The following ATP6V1D variants were observed in gnomAD, a reference collection of about 807,000 sequenced individuals.
ATP6V1D encodes the protein V-type proton ATPase subunit D.
ATP6V1D carries 20 observed loss-of-function variants against 39.4 expected under a neutral mutation model. That is an observed-to-expected ratio of 0.51 (90% CI 0.36 to 0.74). ATP6V1D has a LOEUF of 0.74. ATP6V1D is among the 30% of genes least tolerant of loss of function. The pLI is 0.00. For missense variants in ATP6V1D, 228 were observed against 291.6 expected (o/e 0.78, Z 1.59); for synonymous variants, 100 against 100.5 (o/e 0.99, Z 0.03).
intron 4 of ATP6V1D, among the ~76,000 whole-genome samples, chr14:67,348,313 G>A (rs1484640731): frequency 6.6e-6 from 1 of 151,862 alleles, no homozygotes; most frequent in Non-Finnish European, 1.5e-5. Context: ...CAGGCGATCC[G>A]CCCACCTTGG....
intron 7 of ATP6V1D, among the ~76,000 whole-genome samples, chr14:67,341,229 G>A (rs1171581773): frequency 2.0e-5 from 3 of 151,982 alleles, no homozygotes; most frequent in South Asian, 2.1e-4. Context: ...AGGAAGTGAG[G>A]AGCGTCTCTG....
chr14:67,342,944 C>G (rs191698957), intron 7 of ATP6V1D, among the ~76,000 whole-genome samples: 1 of 152,102 alleles, frequency 6.6e-6, no homozygotes, highest in East Asian at 1.9e-4. Flanking sequence ...ATAAGTGCAT[C>G]AAATGGGAAA....
chr14:67,347,225 C>T (rs1315395266), intron 5 of ATP6V1D, among the ~76,000 whole-genome samples, 184 bp downstream of exon 5: 4 of 152,160 alleles, frequency 2.6e-5, no homozygotes, highest in Non-Finnish European at 4.4e-5. Flanking sequence ...AGGCATGAGC[C>T]ATTGTGCCCG....
chr14:67,339,197 C>G (rs1460341421), intron 8 of ATP6V1D, among the ~76,000 whole-genome samples: 1 of 152,094 alleles, frequency 6.6e-6, no homozygotes, highest in Non-Finnish European at 1.5e-5. Context: ...GAGGGTTTCA[C>G]CATCTTGGCC....
rs2085717859 is a variant in ATP6V1D at position 67,359,800 on chromosome 14, G to A, written c.-102C>T. 7.2e-7 allele frequency: 1 copy of A among 1,379,690 alleles called. No individual in the cohort carries two copies. The highest frequency in any genetic ancestry group is 1.4e-5 in the African/African-American group (1 of 70,226). 85.5% of individuals were successfully genotyped at this position (1,379,690 alleles called of 1,614,324 possible). On this transcript the variant is annotated 5_prime_UTR_variant, in exon 1 of 9. Transcript: ENST00000216442. ...TGTCTTCCTCTACGGGAGTCAGCTG[G>A]TTGTGTCACTTGACCCCTCTTGTTG... is the stretch of plus-strand genomic sequence containing the variant.
chr14:67,340,474 C>G lies in ATP6V1D; in HGVS notation c.568G>C (p.Glu190Gln). The G allele has an allele frequency of 6.2e-7, 1 of 1,613,726 alleles. No individual in the cohort carries two copies. The highest frequency in any genetic ancestry group is 8.5e-7 in the Non-Finnish European group (1 of 1,179,874). ...IERTLAYIIT[E>Q]LDEREREEFY... The stretch of plus-strand genomic sequence containing the variant: ...TCTTCTCGCTCTCTCTCATCCAGCT[C>G]TGTGATGATATAAGCAAGAGTACGT... Residue 190 changes from glutamate (E) to glutamine (Q), a missense_variant, in exon 8 of 9, where the codon GAG becomes CAG. Transcript: ENST00000216442.
chr14:67,340,773 G>A (rs1326495654), intron 7 of ATP6V1D, among the ~76,000 whole-genome samples: 1 of 152,008 alleles, frequency 6.6e-6, no homozygotes, highest in South Asian at 2.1e-4. Context: ...CAACCTCCCT[G>A]CCTGATTCTC....
intron 7 of ATP6V1D, among the ~76,000 whole-genome samples, chr14:67,340,886 G>A (rs541209140): frequency 3.3e-5 from 5 of 152,336 alleles, no homozygotes; most frequent in Non-Finnish European, 7.3e-5. Flanking sequence ...GTGTTGGCCA[G>A]GCTGGTCTCC....
chr14:67,354,855 C>T (rs1011171284), intron 1 of ATP6V1D, among the ~76,000 whole-genome samples: 1 of 152,124 alleles, frequency 6.6e-6, no homozygotes, highest in African/African-American at 2.4e-5. Flanking sequence ...CTCTTGTTGC[C>T]CAGGCTAGAG....
intron 6 of ATP6V1D, among the ~76,000 whole-genome samples, chr14:67,345,476 A>AC (rs1383902154): frequency 6.8e-6 from 1 of 147,446 alleles, no homozygotes. Flanking sequence ...AATCACTTGA[A>AC]CCCAGGAGGC....
At chr14:67,342,865 A>C (rs947573030) in intron 7 of ATP6V1D, among the ~76,000 whole-genome samples, 1 of 152,106 alleles carries the variant, frequency 6.6e-6, no homozygotes, top group Non-Finnish European at 1.5e-5. Flanking sequence ...AACTAAGTTT[A>C]TTGAGCAAAA....
intron 7 of ATP6V1D, among the ~76,000 whole-genome samples, chr14:67,341,656 GC>G (rs1442216416): frequency 6.6e-6 from 1 of 152,178 alleles, no homozygotes; most frequent in Non-Finnish European, 1.5e-5. Context: ...GAGCCCCTCT[GC>G]CCGGCCACCA....
chr14:67,344,133 T>A (rs1170995616), intron 6 of ATP6V1D, among the ~76,000 whole-genome samples: 1 of 152,260 alleles, frequency 6.6e-6, no homozygotes, highest in Non-Finnish European at 1.5e-5. Flanking sequence ...ATGATTTACT[T>A]GCATGTAGAA....
intron 5 of ATP6V1D, among the ~76,000 whole-genome samples, chr14:67,346,812 A>T (rs2085622314): frequency 6.6e-6 from 1 of 152,214 alleles, no homozygotes; most frequent in Non-Finnish European, 1.5e-5. Flanking sequence ...GGGAATTATA[A>T]GCAGTGCATT....
intron 2 of ATP6V1D, 38 bp downstream of exon 2, chr14:67,352,885 T>C (rs8020850): frequency 0.11 from 155,991 of 1,421,266 alleles, 17,278 homozygotes; most frequent in East Asian, 0.47. Flanking sequence ...GCTGGATTTT[T>C]CTAAAATAAA....
At chr14:67,340,637 C>T in intron 7 of ATP6V1D, 119 bp from the exon 8 acceptor site, 2 of 824,992 alleles carry the variant, frequency 2.4e-6, no homozygotes, top group South Asian at 1.6e-5. Flanking sequence ...GCATTTAATG[C>T]AGAGAACTTG....
rs749755181 is a variant in ATP6V1D, at chr14:67,347,421, C to G, written c.340G>C (p.Glu114Gln). The G allele has an allele frequency of 1.2e-6, 2 of 1,607,386 alleles. No individual in the cohort carries two copies. Among genetic ancestry groups the G allele is most frequent in the South Asian group, 2.2e-5 (2 of 90,764 alleles). ...VTLPVFEHYH[E>Q]GTDSYELTGL... ...GTTTCACACTTACTGTCAGTTCCTT[C>G]ATGGTAATGTTCAAATACTGGCAAA... The change falls in exon 5 of 9, where the codon GAA (glutamate) becomes CAA (glutamine). Residue 114 changes from glutamate to glutamine, a missense_variant. Coordinates refer to ENST00000216442, the MANE Select transcript of ATP6V1D (RefSeq NM_015994.4).
chr14:67,352,426 CAAAA>C (rs557204300), intron 2 of ATP6V1D, among the ~76,000 whole-genome samples: 5 of 76,782 alleles, frequency 6.5e-5, no homozygotes, highest in Middle Eastern at 7.1e-3. Context: ...GACCTTGCCT[CAAAA>C]AAAAAAAAAA....
intron 7 of ATP6V1D, among the ~76,000 whole-genome samples, chr14:67,341,159 T>G (rs879459714): frequency 1.7e-3 from 252 of 152,050 alleles, no homozygotes; most frequent in Non-Finnish European, 3.1e-3. Flanking sequence ...GAGGAGCCCC[T>G]CTGCCTGGCT....
Sources: allele counts gnomAD v4.1 joint callset (sites outside exome capture counted in the v4.1 genomes callset), GRCh38; gene constraint gnomAD v4.1.1; transcripts MANE v1.5; gene names NCBI Gene and HGNC (gene_info 2026-07-23, HGNC 2026-07-21).